The following ERBB4 variants were observed in gnomAD, a reference collection of about 807,000 sequenced individuals.
The protein encoded by ERBB4 is receptor tyrosine-protein kinase erbB-4.
In ERBB4, 42 loss-of-function variants were observed where a neutral mutation model predicts 158.0. The observed-to-expected ratio is 0.27, with a 90% CI of 0.21 to 0.34. ERBB4 has a LOEUF of 0.34. ERBB4 is among the 10% of genes least tolerant of loss of function. ERBB4 has a pLI of 1.00. For missense variants in ERBB4, 1,333 were observed against 1,624.1 expected, an observed-to-expected ratio of 0.82 and a Z score of 3.08; for synonymous variants, 583 against 558.7, an observed-to-expected ratio of 1.04 and a Z score of -0.61.
chr2:212,418,570 A>G (rs1488167200), intron 1 of ERBB4, among the ~76,000 whole-genome samples: 1 of 151,098 alleles, frequency 6.6e-6, no homozygotes, highest in African/African-American at 2.4e-5. Context: ...AAGTCCATAA[A>G]ATAAAATGCT....
intron 1 of ERBB4, among the ~76,000 whole-genome samples, chr2:212,412,690 C>T (rs1050456842): frequency 6.6e-6 from 1 of 152,178 alleles, no homozygotes; most frequent in Non-Finnish European, 1.5e-5. Flanking sequence ...GCATGATAGC[C>T]TTGTACCTTG....
chr2:211,721,443 CAAAA>C lies in ERBB4; in HGVS notation c.883+946_883+949del, dbSNP rs71054136. On this transcript the variant is annotated intron_variant, in intron 7 of 27. Transcript: ENST00000342788. ...GAAATGTCCCATTGGTTACTCAAAG[CAAAA>C]AAAAAAAAAAAAAAAAAATAGAGTC... Among the ~76,000 whole-genome samples the C allele has an allele frequency of 4.0e-3, 216 of 54,498 alleles. 1 individual carries two copies. The highest frequency in any genetic ancestry group is 4.9e-3 in the Non-Finnish European group (163 of 33,516). 35.8% of individuals were successfully genotyped at this position (54,498 alleles called of 152,430 possible). A position where few individuals can be genotyped will look rare whatever the true frequency, so the allele number is the denominator to read the frequency against.
At chr2:211,750,014 A>G (rs977246691) in intron 5 of ERBB4, among the ~76,000 whole-genome samples, 2 of 152,166 alleles carry the variant, frequency 1.3e-5, no homozygotes, top group African/African-American at 4.8e-5. Flanking sequence ...AATGCTGAAA[A>G]AAAAATAGCT....
At chr2:212,224,162 A>G (rs1049648317) in intron 1 of ERBB4, among the ~76,000 whole-genome samples, 1 of 151,884 alleles carries the variant, frequency 6.6e-6, no homozygotes, top group Non-Finnish European at 1.5e-5. Flanking sequence ...TTTAAATGTA[A>G]ATTTACACCA....
chr2:211,591,423 A>G (rs904586282), intron 19 of ERBB4, among the ~76,000 whole-genome samples: 1 of 152,202 alleles, frequency 6.6e-6, no homozygotes, highest in Non-Finnish European at 1.5e-5. Flanking sequence ...TTTTGAAGCT[A>G]GATTTCAACA....
At chr2:212,534,639 A>G (rs1692940235) in intron 1 of ERBB4, among the ~76,000 whole-genome samples, 1 of 152,162 alleles carries the variant, frequency 6.6e-6, no homozygotes, top group Admixed American at 6.5e-5. Context: ...AAAACAATAT[A>G]CTTAGTGGCG....
In ERBB4 at chr2:212,124,633, G is replaced by C. The variant is rs1257083641; in HGVS notation, c.234+119C>G. On this transcript the variant is annotated intron_variant, in intron 2 of 27. Transcript: ENST00000342788. The stretch of plus-strand genomic sequence containing the variant: ...CGCTATCTCTTATCTTTTGCCTATA[G>C]TCACAGTGCCTGCCAGGCAGAAGAG... 1.3e-5 allele frequency: 15 copies of C among 1,144,710 alleles called. 1 individual carries two copies. The highest frequency in any genetic ancestry group is 2.0e-5 in the Non-Finnish European group (15 of 762,734). 70.9% of individuals were successfully genotyped at this position (1,144,710 alleles called of 1,614,324 possible).
intron 1 of ERBB4, among the ~76,000 whole-genome samples, chr2:212,172,750 G>A (rs1033038502): frequency 6.6e-6 from 1 of 151,982 alleles, no homozygotes; most frequent in Non-Finnish European, 1.5e-5. Flanking sequence ...ATGGACAAAT[G>A]GGGGTGGAAA....
At chr2:211,676,883 T>C (rs1302507293) in intron 13 of ERBB4, among the ~76,000 whole-genome samples, 1 of 152,218 alleles carries the variant, frequency 6.6e-6, no homozygotes, top group African/African-American at 2.4e-5. Flanking sequence ...TGATCTGAGG[T>C]ATTTTATGTT....
In ERBB4 at chr2:211,435,593, C is replaced by A. The variant is rs1408992188; in HGVS notation, c.2488-4493G>T. On this transcript the variant is annotated intron_variant, in intron 20 of 27. Transcript: ENST00000342788. ...AGCCAGCATAACTGCCAGAGCTCTG[C>A]CTCCTGTCAGATTAGCGGCGGCAGC... 2.0e-5 allele frequency among the ~76,000 whole-genome samples: 3 copies of A among 152,160 alleles called. No homozygotes were observed. The East Asian group carries it at 5.8e-4, about 29-fold the overall frequency.
intron 1 of ERBB4, among the ~76,000 whole-genome samples, chr2:212,192,116 TA>T (rs1451677547): frequency 1.2e-4 from 13 of 104,568 alleles, no homozygotes; most frequent in South Asian, 6.2e-4. Context: ...TTATATATTA[TA>T]TATATTATGT....
At chr2:211,869,712 A>G (rs1042606780) in intron 3 of ERBB4, among the ~76,000 whole-genome samples, 1 of 152,182 alleles carries the variant, frequency 6.6e-6, no homozygotes, top group Non-Finnish European at 1.5e-5. Flanking sequence ...TATCAGGTCC[A>G]TCATGTGTCT....
At chr2:211,394,881 T>C (rs1044970528) in intron 25 of ERBB4, among the ~76,000 whole-genome samples, 3 of 152,114 alleles carry the variant, frequency 2.0e-5, no homozygotes, top group Non-Finnish European at 4.4e-5. Flanking sequence ...GATTGTATTC[T>C]TGAATAGGTC....
chr2:211,771,670 T>G (rs1185809980), intron 4 of ERBB4, among the ~76,000 whole-genome samples: 1 of 152,184 alleles, frequency 6.6e-6, no homozygotes, highest in East Asian at 1.9e-4. Context: ...TAAGCTGCCC[T>G]ACCCCTAAAG....
chr2:212,217,344 A>T (rs914954780), intron 1 of ERBB4, among the ~76,000 whole-genome samples: 2 of 151,422 alleles, frequency 1.3e-5, no homozygotes, highest in African/African-American at 2.4e-5. Flanking sequence ...TTGCAAGTTC[A>T]AATGTTATTT....
Position 211,470,536 on chromosome 2 carries a change from CTATT to C in ERBB4, c.2488-39440_2488-39437del, listed in dbSNP as rs1312177777. ...TAGGTAGCATTTTTTTTACTTTCAT[CTATT>C]TATTTAATTTTTTAAATTTAATTGT... On this transcript the variant is annotated intron_variant, in intron 20 of 27. Coordinates refer to ENST00000342788, the MANE Select transcript of ERBB4 (RefSeq NM_005235.3). Among the ~76,000 whole-genome samples the C allele has an allele frequency of 6.6e-5, 10 of 152,148 alleles. No individual in the cohort carries two copies. In the East Asian group the frequency reaches 1.5e-3, roughly 24 times the overall value.
chr2:211,703,318 A>G (rs890910985), intron 11 of ERBB4, among the ~76,000 whole-genome samples: 1 of 152,208 alleles, frequency 6.6e-6, no homozygotes, highest in African/African-American at 2.4e-5. Flanking sequence ...TGTATCTTTC[A>G]ACTATCCTTT....
intron 2 of ERBB4, among the ~76,000 whole-genome samples, chr2:211,968,731 C>T (rs1397109092): frequency 1.3e-5 from 2 of 152,022 alleles, no homozygotes; most frequent in African/African-American, 2.4e-5. Context: ...AAATGAGTCA[C>T]TTCTTACATT....
At chr2:211,429,954 C>T (rs528208804) in intron 21 of ERBB4, among the ~76,000 whole-genome samples, 1 of 152,284 alleles carries the variant, frequency 6.6e-6, no homozygotes, top group East Asian at 1.9e-4. Flanking sequence ...ACTTCAACTT[C>T]TGTGCAGTCT....
Sources: gnomAD v4.1 joint callset for allele counts (sites outside exome capture counted in the v4.1 genomes callset) on GRCh38, gnomAD v4.1.1 for gene constraint, MANE v1.5 for transcripts, NCBI Gene and HGNC (gene_info 2026-07-23, HGNC 2026-07-21) for gene names.